The following CALML6 variants were observed in gnomAD, a reference collection of about 807,000 sequenced individuals.
CALML6 encodes the protein calmodulin like 6, also known as calmodulin-like protein 6.
CALML6 carries 27 observed loss-of-function variants against 25.0 expected under a neutral mutation model. The ratio of observed to expected loss-of-function variants is 1.08; its 90% CI spans 0.80 to 1.49. The LOEUF (loss-of-function observed/expected upper bound fraction) is 1.49. Among genes scored for constraint, CALML6 ranks in the 40% most tolerant of loss-of-function variants. The pLI is 0.00. For synonymous variants in CALML6, 97 were observed against 87.2 expected, an observed-to-expected ratio of 1.11 and a Z score of -0.63; for missense variants, 239 against 232.7, an observed-to-expected ratio of 1.03 and a Z score of -0.18.
At chr1:1,915,450 C>T (rs984419632) in intron 1 of CALML6, 143 bp downstream of exon 1, 43 of 1,450,700 alleles carry the variant, frequency 3.0e-5, no homozygotes, top group Non-Finnish European at 6.5e-6. Flanking sequence ...CATGTCTCAG[C>T]CCTTTCCTGG....
chr1:1,916,047 C>A (rs955371788), intron 2 of CALML6: 8 of 474,484 alleles, frequency 1.7e-5, no homozygotes, highest in African/African-American at 3.9e-5. Context: ...GTATCCCAAT[C>A]CTGGGCTGGA....
chr1:1,917,225 C>A lies in CALML6; in HGVS notation c.*32C>A. 1 of 1,562,876 alleles carries A rather than the reference C, an allele frequency of 6.4e-7. No homozygotes were observed. The highest frequency in any genetic ancestry group is 8.6e-7 in the Non-Finnish European group (1 of 1,157,042). On this transcript the variant is annotated 3_prime_UTR_variant, in exon 6 of 6. Coordinates refer to ENST00000307786, the MANE Select transcript of CALML6 (RefSeq NM_138705.4). ...CTGCCGCAGCCGGGGGAGGCCTGCC[C>A]GGGAAGGCTGCTGCCCCTGCCCCCT...
rs116593511 is a variant in CALML6, at chr1:1,915,524, G to A, written c.28-161G>A. ...GGGGAAGCCCAGGCCAAAGCGGGCCGGGAAGGGGCCCTGTGGATAAGGCCG... is the reference window on the plus strand; with the variant it reads ...GGGGAAGCCCAGGCCAAAGCGGGCCAGGAAGGGGCCCTGTGGATAAGGCCG... On this transcript the variant is annotated intron_variant, in intron 1 of 5. Coordinates refer to ENST00000307786, the MANE Select transcript of CALML6 (RefSeq NM_138705.4). The A allele has an allele frequency of 3.2e-4, 396 of 1,221,604 alleles. 1 individual carries two copies. In the African/African-American group the frequency reaches 5.1e-3, roughly 16 times the overall value. 75.7% of individuals were successfully genotyped at this position (1,221,604 alleles called of 1,614,324 possible).
chr1:1,915,380 T>C (rs1651074361), intron 1 of CALML6, 73 bp downstream of exon 1: 1 of 1,545,678 alleles, frequency 6.5e-7, no homozygotes, highest in East Asian at 2.4e-5. Flanking sequence ...GAAGGTAGAC[T>C]TGGAGCTTGG....
In CALML6 at chr1:1,916,992, A is replaced by G. The variant is rs553441708; in HGVS notation, c.417A>G (p.Ala139=). The G allele has an allele frequency of 6.2e-7, 1 of 1,610,206 alleles. No individual in the cohort carries two copies. The highest frequency in any genetic ancestry group is 1.1e-5 in the South Asian group (1 of 90,906). ...CCCGTAGGTACGTGCTAATGAACGC[A>G]GGGGAGCCCCTCAACGAGGTGGAGG... The part of the protein sequence containing the change: ...WNTLKYVLMN[A]GEPLNEVEAE... Residue 139 remains alanine (A), a synonymous_variant, in exon 5 of 6, where the codon GCA becomes GCG. Coordinates refer to ENST00000307786, the MANE Select transcript of CALML6 (RefSeq NM_138705.4).
Position 1,916,473 on chromosome 1 carries a change from G to C in CALML6, c.111G>C (p.Glu37Asp). 1.3e-6 allele frequency: 2 copies of C among 1,561,884 alleles called. No individual in the cohort carries two copies. Among genetic ancestry groups the C allele is most frequent in the Non-Finnish European group, 1.7e-6 (2 of 1,153,476 alleles). The change falls in exon 3 of 6, where the codon GAG becomes GAC. Residue 37 changes from glutamate to aspartate, a missense_variant. By Grantham distance (45) the Glu-to-Asp change is conservative. Transcript: ENST00000307786. The stretch of plus-strand genomic sequence containing the variant: ...GCCTGTCGGCTGAGCAGATCAAGGA[G>C]TACAAGGGAGTCTTTGAGATGTTCG... ...TERLSAEQIK[E>D]YKGVFEMFDE... is the part of the protein sequence containing the mutation.
chr1:1,915,907 G>A (rs1017903323), intron 2 of CALML6, 172 bp downstream of exon 2: 4 of 654,616 alleles, frequency 6.1e-6, no homozygotes, highest in Non-Finnish European at 1.1e-5. Context: ...GGGCCAGGGT[G>A]GAGCAGCCCT....
rs775733294 is a variant in CALML6, at chr1:1,916,878, T to C, written c.380T>C (p.Ile127Thr). 6 of 1,608,276 alleles carry C rather than the reference T, an allele frequency of 3.7e-6. No homozygotes were observed. In the African/African-American group the frequency reaches 6.9e-5, roughly 18 times the overall value. Residue 127 changes from isoleucine (I) to threonine (T), a missense_variant, in exon 4 of 6, where the codon ATT becomes ACT. Physicochemically the swap from Ile to Thr is moderately conservative, Grantham distance 89. Coordinates refer to ENST00000307786, the MANE Select transcript of CALML6 (RefSeq NM_138705.4). ...RVFDKEGKGY[I>T]DWNTLKYVLM... ...TTTGACAAAGAGGGCAAGGGCTACATTGACTGGAACACACTCAAGTAGGGC... is the reference window on the plus strand; with the variant it reads ...TTTGACAAAGAGGGCAAGGGCTACACTGACTGGAACACACTCAAGTAGGGC...
intron 3 of CALML6, 21 bp from the exon 4 acceptor site, chr1:1,916,731 C>G (rs1016515809): frequency 6.2e-7 from 1 of 1,612,846 alleles, no homozygotes; most frequent in South Asian, 1.1e-5. Flanking sequence ...ATCCCTTGAG[C>G]CCCAGCTGTG....
chr1:1,916,897 G>C lies in CALML6; in HGVS notation c.398+1G>C. On this transcript the variant is annotated splice_donor_variant, in intron 4 of 5. Transcript: ENST00000307786. LOFTEE classifies it high-confidence loss of function. ...GCTACATTGACTGGAACACACTCAA[G>C]TAGGGCCCGGGTTGGGGGCGGGTGG... is the stretch of plus-strand genomic sequence containing the variant. The C allele has an allele frequency of 6.7e-7, 1 of 1,495,558 alleles. No homozygotes were observed. The highest frequency in any genetic ancestry group is 9.3e-7 in the Non-Finnish European group (1 of 1,079,442). The allele number at this position is 1,495,558 out of a possible 1,614,324, so 92.6% of individuals were successfully genotyped here. A position where few individuals can be genotyped will look rare whatever the true frequency, so the allele number is the denominator to read the frequency against.
chr1:1,916,055 G>A, intron 2 of CALML6: 1 of 462,814 alleles, frequency 2.2e-6, no homozygotes, highest in Admixed American at 3.5e-5. Context: ...ATCCTGGGCT[G>A]GAAGCCTTTC....
In CALML6 at chr1:1,916,441, A is replaced by G. The variant is rs1651113757; in HGVS notation, c.79A>G (p.Thr27Ala). The G allele has an allele frequency of 2.0e-6, 3 of 1,523,764 alleles. No individual in the cohort carries two copies. Among genetic ancestry groups the G allele is most frequent in the Non-Finnish European group, 2.7e-6 (3 of 1,131,656 alleles). The allele number at this position is 1,523,764 out of a possible 1,614,324, so 94.4% of individuals were successfully genotyped here. A position where few individuals can be genotyped will look rare whatever the true frequency, so the allele number is the denominator to read the frequency against. Residue 27 changes from threonine (T) to alanine (A), a missense_variant and splice_region_variant, in exon 3 of 6, where the codon ACA becomes GCA. By Grantham distance (58) the Thr-to-Ala change is moderately conservative. Around this residue, in one of 2 missense-constraint regions of CALML6, gnomAD observed 231 missense variants for 210.9 expected, o/e 1.10. Coordinates refer to ENST00000307786, the MANE Select transcript of CALML6 (RefSeq NM_138705.4). Reference sequence around the variant, plus strand: ...AGGCCGGTGCGGGTGTCCCCTGCAGACAGAGCGCCTGTCGGCTGAGCAGAT... The same window carrying G: ...AGGCCGGTGCGGGTGTCCCCTGCAGGCAGAGCGCCTGTCGGCTGAGCAGAT... ...AESCQTTTDMTERLSAEQIKE... is the reference protein window; with the variant it reads ...AESCQTTTDMAERLSAEQIKE...
At position 1,917,292 on chromosome 1, in the gene CALML6, C is replaced by T. The variant is rs1177241719; in HGVS notation, c.*99C>T. On this transcript the variant is annotated 3_prime_UTR_variant, in exon 6 of 6. Coordinates refer to ENST00000307786, the MANE Select transcript of CALML6 (RefSeq NM_138705.4). The stretch of plus-strand genomic sequence containing the variant: ...GCTCCGTGTAAAATAAATGTTCCAG[C>T]CCAACCTGTGTGTGCCTCACTGTCC... 3.2e-5 allele frequency: 43 copies of T among 1,341,686 alleles called. No individual in the cohort carries two copies. Among genetic ancestry groups the T allele is most frequent in the Non-Finnish European group, 4.4e-5 (43 of 976,480 alleles). The allele number at this position is 1,341,686 out of a possible 1,614,324, so 83.1% of individuals were successfully genotyped here. A position where few individuals can be genotyped will look rare whatever the true frequency, so the allele number is the denominator to read the frequency against.
chr1:1,916,563 C>G lies in CALML6; in HGVS notation c.201C>G (p.Ile67Met), dbSNP rs1299906914. Residue 67 changes from isoleucine (I) to methionine (M), a missense_variant, in exon 3 of 6, where the codon ATC (isoleucine) becomes ATG (methionine). By Grantham distance (10) the Ile-to-Met change is conservative (BLOSUM62 1). Around this residue, in one of 2 missense-constraint regions of CALML6, gnomAD observed 231 missense variants for 210.9 expected, o/e 1.10. Transcript: ENST00000307786. ...AGTGGCTCATGAGCCTGCTGGGTAT[C>G]AACCCCACCAAGAGTGAGCTGGCCT... ...ELEWLMSLLG[I>M]NPTKSELASM... The G allele has an allele frequency of 6.2e-7, 1 of 1,612,026 alleles. No individual in the cohort carries two copies. The highest frequency in any genetic ancestry group is 1.1e-5 in the South Asian group (1 of 90,866).
Position 1,916,816 on chromosome 1 carries a change from G to A in CALML6, c.318G>A (p.Gln106=). ...TGGGAGTTTACCATGAGAAGGCCCAGAACCAGGAGAGCGAGCTGAGGGCGG... is the reference window on the plus strand; with the variant it reads ...TGGGAGTTTACCATGAGAAGGCCCAAAACCAGGAGAGCGAGCTGAGGGCGG... ...ALMGVYHEKA[Q]NQESELRAAF... is the part of the protein sequence containing the mutation. The change falls in exon 4 of 6, where the codon CAG becomes CAA. Residue 106 remains glutamine, a synonymous_variant. Transcript: ENST00000307786. 2 of 1,611,624 alleles carry A rather than the reference G, an allele frequency of 1.2e-6. No individual in the cohort carries two copies. Among genetic ancestry groups the A allele is most frequent in the Non-Finnish European group, 1.7e-6 (2 of 1,179,708 alleles).
intron 3 of CALML6, 28 bp from the exon 4 acceptor site, chr1:1,916,724 C>A: frequency 6.2e-7 from 1 of 1,612,774 alleles, no homozygotes; most frequent in South Asian, 1.1e-5. Context: ...GTGCCCCATC[C>A]CTTGAGCCCC....
At chr1:1,915,353 G>T (rs1651073395) in intron 1 of CALML6, 46 bp downstream of exon 1, 1 of 1,549,978 alleles carries the variant, frequency 6.5e-7, no homozygotes, top group East Asian at 2.4e-5. Flanking sequence ...AGACCTGCTG[G>T]AGGGCCGCAC....
chr1:1,915,330 C>T (rs765775350), intron 1 of CALML6, 23 bp downstream of exon 1: 15 of 1,551,632 alleles, frequency 9.7e-6, no homozygotes, highest in Non-Finnish European at 1.2e-5. Context: ...AGCATGGGAC[C>T]AGGGTCCCAT....
In CALML6 at chr1:1,916,432, C is replaced by G. The variant is rs1286272504; in HGVS notation, c.79-9C>G. The G allele has an allele frequency of 2.6e-6, 4 of 1,515,018 alleles. No individual in the cohort carries two copies. The highest frequency in any genetic ancestry group is 2.1e-5 in the Admixed American group (1 of 47,624). The allele number at this position is 1,515,018 out of a possible 1,614,324, so 93.8% of individuals were successfully genotyped here. The stretch of plus-strand genomic sequence containing the variant: ...CTCCTGGTCAGGCCGGTGCGGGTGT[C>G]CCCTGCAGACAGAGCGCCTGTCGGC... On this transcript the variant is annotated splice_polypyrimidine_tract_variant and intron_variant, in intron 2 of 5. Transcript: ENST00000307786.
Sources: allele counts gnomAD v4.1 joint callset, GRCh38; gene constraint gnomAD v4.1.1; regional missense constraint gnomAD v4.1.1; transcripts MANE v1.5; gene names NCBI Gene and HGNC (gene_info 2026-07-23, HGNC 2026-07-21).